The following DLC1 variants were observed in gnomAD, a reference collection of about 807,000 sequenced individuals.
The protein encoded by DLC1 is DLC1 Rho GTPase activating protein.
Under a neutral mutation model 140.3 loss-of-function variants are expected in DLC1, and 54 were observed. The ratio of observed to expected loss-of-function variants is 0.38; its 90% CI spans 0.31 to 0.48. The LOEUF (loss-of-function observed/expected upper bound fraction) is 0.48. Among genes scored for constraint, DLC1 ranks in the 20% least tolerant of loss-of-function variants. DLC1 has a pLI of 0.96. For synonymous variants in DLC1, 986 were observed against 728.1 expected (o/e 1.35, Z -5.70); for missense variants, 2,536 against 1,907.0 (o/e 1.33, Z -6.14).
At chr8:13,365,301 C>A (rs1162528449) in intron 4 of DLC1, among the ~76,000 whole-genome samples, 1 of 152,098 alleles carries the variant, frequency 6.6e-6, no homozygotes, top group Non-Finnish European at 1.5e-5. Context: ...AGTCAGATGT[C>A]CACAGGGCTT....
At chr8:13,183,081 A>T (rs926505916) in intron 5 of DLC1, among the ~76,000 whole-genome samples, 2 of 152,154 alleles carry the variant, frequency 1.3e-5, no homozygotes, top group Non-Finnish European at 2.9e-5. Flanking sequence ...CTTTGTAGCA[A>T]TTGTGAATGA....
intron 5 of DLC1, among the ~76,000 whole-genome samples, chr8:13,171,821 G>A (rs775198929): frequency 1.2e-4 from 18 of 152,292 alleles, no homozygotes; most frequent in Admixed American, 7.2e-4. Flanking sequence ...CCTTGGGGAC[G>A]TCAGTGTTTC....
intron 1 of DLC1, among the ~76,000 whole-genome samples, chr8:13,547,101 C>G (rs1803678067): frequency 6.6e-6 from 1 of 151,858 alleles, no homozygotes; most frequent in South Asian, 2.1e-4. Context: ...AAATTTCACA[C>G]TATATGATGG....
rs573274125 is a variant in DLC1, at chr8:13,184,598, G to C, written c.1349-68941C>G. ...GAGCAAGTTGTTCAGTTTCCATGTAGTTGTGTGGTTTTGAGTTAGTTTTGT... is the reference window on the plus strand; with the variant it reads ...GAGCAAGTTGTTCAGTTTCCATGTACTTGTGTGGTTTTGAGTTAGTTTTGT... On this transcript the variant is annotated intron_variant, in intron 5 of 17. Coordinates refer to ENST00000276297, the MANE Select transcript of DLC1 (RefSeq NM_182643.3). Among the ~76,000 whole-genome samples, 7 of 152,260 alleles carry C rather than the reference G, an allele frequency of 4.6e-5. No homozygotes were observed. In the South Asian group the frequency reaches 1.5e-3, roughly 32 times the overall value.
chr8:13,549,633 G>T (rs1223225258), intron 1 of DLC1, among the ~76,000 whole-genome samples: 4 of 152,138 alleles, frequency 2.6e-5, no homozygotes, highest in African/African-American at 9.7e-5. Context: ...TTTAAACCCT[G>T]TTAAAGGATG....
intron 5 of DLC1, among the ~76,000 whole-genome samples, chr8:13,119,687 C>G (rs1480444200): frequency 1.3e-5 from 2 of 152,142 alleles, no homozygotes; most frequent in South Asian, 4.1e-4. Context: ...CGAGGTGGCT[C>G]ACACCTGTAA....
At chr8:13,405,907 CTT>C (rs1405383806) in intron 2 of DLC1, among the ~76,000 whole-genome samples, 2 of 86,258 alleles carry the variant, frequency 2.3e-5, no homozygotes, top group Non-Finnish European at 4.8e-5. Flanking sequence ...CTTTTTCTTT[CTT>C]TCTTTTCTTT....
intron 5 of DLC1, among the ~76,000 whole-genome samples, chr8:13,292,394 C>G (rs1158381016): frequency 6.6e-6 from 1 of 152,182 alleles, no homozygotes; most frequent in African/African-American, 2.4e-5. Context: ...GTCAAGGTCA[C>G]AAGTTAGACC....
At chr8:13,224,375 A>G (rs1188302) in intron 5 of DLC1, among the ~76,000 whole-genome samples, 5,048 of 152,318 alleles carry the variant, frequency 0.033, 270 homozygotes, top group African/African-American at 0.11. Flanking sequence ...GTCCATGATC[A>G]TCATGAGACC....
intron 2 of DLC1, among the ~76,000 whole-genome samples, chr8:13,444,500 A>G (rs1333261179): frequency 6.6e-6 from 1 of 152,224 alleles, no homozygotes; most frequent in Non-Finnish European, 1.5e-5. Flanking sequence ...ATGAGTGACA[A>G]AGAGAAGTTT....
rs1831232957 is a variant in DLC1 at position 13,277,936 on chromosome 8, T to C, written c.1348+27333A>G. Among the ~76,000 whole-genome samples, 3 of 152,228 alleles carry C rather than the reference T, an allele frequency of 2.0e-5. No homozygotes were observed. In the South Asian group the frequency reaches 6.2e-4, roughly 32 times the overall value. ...AGTCTTCTAATTTCTACAACACGCA[T>C]TATTTTCACATATATCTTTAACAAC... is the stretch of plus-strand genomic sequence containing the variant. On this transcript the variant is annotated intron_variant, in intron 5 of 17. Coordinates refer to ENST00000276297, the MANE Select transcript of DLC1 (RefSeq NM_182643.3).
intron 5 of DLC1, among the ~76,000 whole-genome samples, chr8:13,154,880 A>G (rs1326383472): frequency 6.6e-6 from 1 of 152,228 alleles, no homozygotes; most frequent in Admixed American, 6.5e-5. Flanking sequence ...TGATAGGTAG[A>G]TAAGGGAATC....
intron 1 of DLC1, among the ~76,000 whole-genome samples, chr8:13,524,404 C>T (rs1802856200): frequency 2.0e-5 from 3 of 152,030 alleles, no homozygotes; most frequent in Non-Finnish European, 4.4e-5. Flanking sequence ...TCCCAAAGTG[C>T]TGGTATTACA....
chr8:13,534,123 T>C (rs1004511169), intron 1 of DLC1, among the ~76,000 whole-genome samples: 1 of 152,182 alleles, frequency 6.6e-6, no homozygotes, highest in Non-Finnish European at 1.5e-5. Context: ...CCCTCCAATC[T>C]GTTTAGATAT....
chr8:13,213,783 T>C (rs554960040), intron 5 of DLC1, among the ~76,000 whole-genome samples: 3 of 151,390 alleles, frequency 2.0e-5, no homozygotes, highest in Admixed American at 2.0e-4. Flanking sequence ...TTATGTTTGT[T>C]TCCGTTTTTT....
intron 5 of DLC1, among the ~76,000 whole-genome samples, chr8:13,173,368 CTTTTTTTT>C (rs35778236): frequency 9.7e-6 from 1 of 103,510 alleles, no homozygotes; most frequent in African/African-American, 3.8e-5. Context: ...GTTCTGCCCT[CTTTTTTTT>C]TTTTTTTTTT....
chr8:13,433,395 T>C (rs1480830272), intron 2 of DLC1, among the ~76,000 whole-genome samples: 1 of 152,096 alleles, frequency 6.6e-6, no homozygotes, highest in Non-Finnish European at 1.5e-5. Flanking sequence ...TCTATTAAGG[T>C]AGTTACAGAT....
At chr8:13,196,523 T>C (rs1317938939) in intron 5 of DLC1, among the ~76,000 whole-genome samples, 1 of 152,216 alleles carries the variant, frequency 6.6e-6, no homozygotes, top group African/African-American at 2.4e-5. Context: ...AGGCTTACTA[T>C]GAACCATGAA....
At chr8:13,261,005 T>C (rs368162844) in intron 5 of DLC1, among the ~76,000 whole-genome samples, 2 of 152,246 alleles carry the variant, frequency 1.3e-5, no homozygotes, top group Non-Finnish European at 2.9e-5. Context: ...TACATGTCCG[T>C]TGATTAAGTC....
Sources: gnomAD v4.1 joint callset for allele counts (sites outside exome capture counted in the v4.1 genomes callset) on GRCh38, gnomAD v4.1.1 for gene constraint, MANE v1.5 for transcripts, NCBI Gene and HGNC (gene_info 2026-07-23, HGNC 2026-07-21) for gene names.